The following KIF6 variants were observed in gnomAD, a reference collection of about 807,000 sequenced individuals.
KIF6 encodes kinesin family member 6, also known as kinesin-like protein KIF6.
In KIF6, 106 loss-of-function variants were observed where a neutral mutation model predicts 112.7. The observed-to-expected ratio is 0.94, with a 90% CI of 0.80 to 1.11. KIF6 has a LOEUF of 1.11. Among genes scored for constraint, KIF6 ranks in the 50% least tolerant of loss-of-function variants. The pLI is 0.00. For missense variants in KIF6, 929 were observed against 964.0 expected, an observed-to-expected ratio of 0.96 and a Z score of 0.48; for synonymous variants, 339 against 339.9, an observed-to-expected ratio of 1.00 and a Z score of 0.03.
At chr6:39,455,035 GC>G (rs1367507799) in intron 13 of KIF6, among the ~76,000 whole-genome samples, 2 of 150,044 alleles carry the variant, frequency 1.3e-5, no homozygotes, top group Admixed American at 1.3e-4. Flanking sequence ...AAGGAGGCCT[GC>G]CTGCCTCTGT....
intron 13 of KIF6, among the ~76,000 whole-genome samples, chr6:39,455,311 T>C (rs1772999187): frequency 6.6e-6 from 1 of 151,730 alleles, no homozygotes; most frequent in African/African-American, 2.4e-5. Flanking sequence ...CTGAGGGTCC[T>C]GTCTGTTAGA....
chr6:39,590,451 A>ATATATT (rs1338373703), intron 7 of KIF6, among the ~76,000 whole-genome samples: 1,216 of 84,634 alleles, frequency 0.014, 19 homozygotes, highest in Non-Finnish European at 0.022. Context: ...ATATATATAT[A>ATATATT]TTTTTTTTTT....
chr6:39,610,164 T>C (rs1582264747), intron 6 of KIF6, among the ~76,000 whole-genome samples: 1 of 152,210 alleles, frequency 6.6e-6, no homozygotes, highest in Non-Finnish European at 1.5e-5. Context: ...ACTGGTGGAC[T>C]TGGATGCTGG....
chr6:39,447,984 A>G (rs1772437038), intron 13 of KIF6, among the ~76,000 whole-genome samples: 1 of 152,112 alleles, frequency 6.6e-6, no homozygotes, highest in South Asian at 2.1e-4. Flanking sequence ...GCGGGCTGTG[A>G]GCGGCAGTGA....
At chr6:39,486,021 TC>T (rs1465345378) in intron 13 of KIF6, among the ~76,000 whole-genome samples, 4 of 152,180 alleles carry the variant, frequency 2.6e-5, no homozygotes, top group Non-Finnish European at 5.9e-5. Flanking sequence ...ACAGTCAGCC[TC>T]CAGAGTCCCT....
At chr6:39,460,559 AAG>A (rs1481118414) in intron 13 of KIF6, among the ~76,000 whole-genome samples, 13 of 149,652 alleles carry the variant, frequency 8.7e-5, no homozygotes, top group African/African-American at 3.0e-4. Flanking sequence ...AAAAAAAAAA[AAG>A]ATCTTAAAAG....
At chr6:39,457,795 C>G (rs1283173475) in intron 13 of KIF6, among the ~76,000 whole-genome samples, 2 of 152,028 alleles carry the variant, frequency 1.3e-5, no homozygotes, top group African/African-American at 4.8e-5. Flanking sequence ...ATCCTCGACA[C>G]ATACACTCTC....
chr6:39,346,132 C>CCT (rs779814201), intron 20 of KIF6, among the ~76,000 whole-genome samples: 1,571 of 26,800 alleles, frequency 0.059, 64 homozygotes, highest in African/African-American at 0.071. Context: ...CCTCCCTCTC[C>CCT]CTCTCTCTCT....
intron 6 of KIF6, among the ~76,000 whole-genome samples, chr6:39,596,579 C>T (rs1412279004): frequency 2.0e-5 from 3 of 152,126 alleles, no homozygotes; most frequent in Non-Finnish European, 2.9e-5. Flanking sequence ...TGGCTTAATG[C>T]TTGAAAATGC....
At position 39,572,096 on chromosome 6, in the gene KIF6, T is replaced by C. The variant is rs534536395; in HGVS notation, c.1181+5960A>G. 4.3e-4 allele frequency among the ~76,000 whole-genome samples: 65 copies of C among 152,274 alleles called. No individual in the cohort carries two copies. In the East Asian group the frequency reaches 8.9e-3, roughly 21 times the overall value. On this transcript the variant is annotated intron_variant, in intron 10 of 22. Coordinates refer to ENST00000287152, the MANE Select transcript of KIF6 (RefSeq NM_145027.6). ...TAAACTGCTATTACATTTTTAAACA[T>C]GGAACTGAAAAGAGTGCATAGATCA... is the stretch of plus-strand genomic sequence containing the variant.
In KIF6 at chr6:39,510,179, C is replaced by T. The variant is rs186277782; in HGVS notation, c.1645+29824G>A. On this transcript the variant is annotated intron_variant, in intron 13 of 22. Coordinates refer to ENST00000287152, the MANE Select transcript of KIF6 (RefSeq NM_145027.6). ...CATGATCTTGGCTCACTGCAAGCTC[C>T]GCCTTCCGGGTTCATGCCATTCTCC... is the stretch of plus-strand genomic sequence containing the variant. Among the ~76,000 whole-genome samples the T allele has an allele frequency of 3.5e-3, 536 of 151,600 alleles. 3 individuals carry two copies. The highest frequency in any genetic ancestry group is 9.9e-3 in the Admixed American group (151 of 15,236).
In KIF6 at chr6:39,346,640, T is replaced by G. The variant is rs919519073; in HGVS notation, c.2181-114A>C. The G allele has an allele frequency of 1.5e-5, 8 of 540,980 alleles. No homozygotes were observed. In the Admixed American group the frequency reaches 2.7e-4, roughly 18 times the overall value. 33.5% of individuals were successfully genotyped at this position (540,980 alleles called of 1,614,324 possible). A position where few individuals can be genotyped will look rare whatever the true frequency, so the allele number is the denominator to read the frequency against. On this transcript the variant is annotated intron_variant, in intron 19 of 22. Transcript: ENST00000287152. ...GTCCTGTCTTGGATGGTTTACACAG[T>G]AATTTTCTTTTTTTCTTTTTTTTTG...
chr6:39,402,821 C>T (rs1457229102), intron 15 of KIF6, among the ~76,000 whole-genome samples: 1 of 152,130 alleles, frequency 6.6e-6, no homozygotes, highest in Non-Finnish European at 1.5e-5. Context: ...ACAGGGCCTC[C>T]AACTTTACAG....
intron 3 of KIF6, among the ~76,000 whole-genome samples, chr6:39,687,700 A>G (rs959368905): frequency 6.6e-6 from 1 of 152,222 alleles, no homozygotes; most frequent in Admixed American, 6.5e-5. Context: ...TATACATATT[A>G]TCATACTTAG....
At chr6:39,648,182 C>G (rs927666528) in intron 3 of KIF6, among the ~76,000 whole-genome samples, 3 of 128,858 alleles carry the variant, frequency 2.3e-5, no homozygotes, top group Admixed American at 9.5e-5. Context: ...TGCCACCATG[C>G]CTGGCTAATT....
intron 10 of KIF6, among the ~76,000 whole-genome samples, chr6:39,560,709 C>A (rs750073593): frequency 2.6e-5 from 4 of 152,218 alleles, no homozygotes; most frequent in Non-Finnish European, 4.4e-5. Flanking sequence ...TTGAAGGTCT[C>A]TGAAGCCAGA....
At chr6:39,384,938 C>T (rs1167646786) in intron 16 of KIF6, among the ~76,000 whole-genome samples, 1 of 152,210 alleles carries the variant, frequency 6.6e-6, no homozygotes, top group African/African-American at 2.4e-5. Flanking sequence ...GTGTTTTCTG[C>T]AGATGTCCAC....
chr6:39,368,059 C>G (rs932734109), intron 16 of KIF6, among the ~76,000 whole-genome samples: 20 of 152,176 alleles, frequency 1.3e-4, no homozygotes, highest in African/African-American at 4.6e-4. Context: ...ACAGGCCCTA[C>G]AGAAGTTTAG....
chr6:39,649,765 GAAAGAAAGA>G (rs1561897453), intron 3 of KIF6, among the ~76,000 whole-genome samples: 3,657 of 103,556 alleles, frequency 0.035, 81 homozygotes, highest in Middle Eastern at 0.061. Flanking sequence ...AAGAAAGAAA[GAAAGAAAGA>G]AAAGAAACTA....
Sources: gnomAD v4.1 joint callset for allele counts (sites outside exome capture counted in the v4.1 genomes callset) on GRCh38, gnomAD v4.1.1 for gene constraint, MANE v1.5 for transcripts, NCBI Gene and HGNC (gene_info 2026-07-23, HGNC 2026-07-21) for gene names.